MAPKBP1: variants seen among roughly 807,000 people sequenced by gnomAD.
MAPKBP1 encodes mitogen-activated protein kinase-binding protein 1.
MAPKBP1 carries 71 observed loss-of-function variants against 170.5 expected under a neutral mutation model. The ratio of observed to expected loss-of-function variants is 0.42; its 90% confidence interval spans 0.34 to 0.51. The LOEUF is 0.51. MAPKBP1 is among the 20% of genes least tolerant of loss of function. The pLI, the probability that MAPKBP1 is intolerant of heterozygous loss-of-function variation, is 0.06. For synonymous variants in MAPKBP1, 719 were observed against 757.9 expected, an observed-to-expected ratio of 0.95 and a Z score of 0.84; for missense variants, 1,598 against 1,933.0, an observed-to-expected ratio of 0.83 and a Z score of 3.25.
At chr15:41,815,159 G>A (rs2064868371) in intron 10 of MAPKBP1, 100 bp from the exon 11 acceptor site, 4 of 1,440,228 alleles carry the variant, frequency 2.8e-6, no homozygotes, top group Non-Finnish European at 2.9e-6. Context: ...CTAAGTCCTG[G>A]CCACCATTCC....
chr15:41,800,567 T>C (rs1338065883), intron 3 of MAPKBP1, among the ~76,000 whole-genome samples: 1 of 152,176 alleles, frequency 6.6e-6, no homozygotes, highest in East Asian at 1.9e-4. Flanking sequence ...ACTCCTGAGC[T>C]CAAGCCATCC....
At chr15:41,803,241 C>G (rs973263229) in intron 3 of MAPKBP1, among the ~76,000 whole-genome samples, 10 of 151,704 alleles carry the variant, frequency 6.6e-5, no homozygotes, top group Admixed American at 6.6e-5. Flanking sequence ...ATGGTGAAAT[C>G]TTGTCTCTAG....
At chr15:41,813,328 A>G (rs559604962) in intron 8 of MAPKBP1, 1 of 1,528,626 alleles carries the variant, frequency 6.5e-7, no homozygotes, top group South Asian at 1.1e-5. Flanking sequence ...TCTTCCGCTC[A>G]GAACATAGAC....
rs1180590172 is a variant in MAPKBP1 at position 41,786,777 on chromosome 15, A to AATATATATATAT, written c.114+11404_114+11415dup. On this transcript the variant is annotated intron_variant, in intron 2 of 30. Coordinates refer to ENST00000457542, the MANE Select transcript of MAPKBP1 (RefSeq NM_014994.3). ...CAGACTCCGTCTAAAAAAAAAAAAA[A>AATATATATATAT]ATATATATATATATATATATATATA... Among the ~76,000 whole-genome samples, 210 of 31,800 alleles carry AATATATATATAT rather than the reference A, an allele frequency of 6.6e-3. 12 individuals carry two copies. Among genetic ancestry groups the AATATATATATAT allele is most frequent in the East Asian group, 8.8e-3 (11 of 1,256 alleles). The allele number at this position is 31,800 out of a possible 152,430, so 20.9% of individuals were successfully genotyped here. A position where few individuals can be genotyped will look rare whatever the true frequency, so the allele number is the denominator to read the frequency against.
intron 2 of MAPKBP1, among the ~76,000 whole-genome samples, chr15:41,785,034 G>C (rs1267306717): frequency 1.3e-5 from 2 of 152,062 alleles, no homozygotes; most frequent in Non-Finnish European, 2.9e-5. Context: ...GCCATTGTGA[G>C]ATTTAAATGA....
Position 41,823,997 on chromosome 15 carries a change from C to G in MAPKBP1, c.4149C>G (p.Pro1383=), listed in dbSNP as rs1324554666. Residue 1383 remains proline, a synonymous_variant, in exon 29 of 31, where the codon CCC becomes CCG. Coordinates refer to ENST00000457542, the MANE Select transcript of MAPKBP1 (RefSeq NM_014994.3). ...GCCCTGAAAACTTGCAGCCCCCACC[C>G]CCTGAGAAGACTCCCAACCCCATGG... ...FQGPENLQPP[P]PEKTPNPMEC... The G allele has an allele frequency of 6.2e-7, 1 of 1,613,300 alleles. No homozygotes were observed.
At chr15:41,783,395 A>G (rs2064223616) in intron 2 of MAPKBP1, among the ~76,000 whole-genome samples, 1 of 152,186 alleles carries the variant, frequency 6.6e-6, no homozygotes, top group Admixed American at 6.5e-5. Flanking sequence ...GACCTGGATG[A>G]TGACAGTTGG....
At chr15:41,806,072 A>G (rs1483853130) in intron 3 of MAPKBP1, among the ~76,000 whole-genome samples, 1 of 152,218 alleles carries the variant, frequency 6.6e-6, no homozygotes, top group African/African-American at 2.4e-5. Context: ...TTGTTTACAA[A>G]TAATTACTGA....
At position 41,814,707 on chromosome 15, in the gene MAPKBP1, C is replaced by T; in HGVS notation, c.1138C>T (p.Leu380=). The change falls in exon 10 of 31, where the codon CTG becomes TTG. Residue 380 remains leucine (L), a synonymous_variant. Transcript: ENST00000457542. ...GAAAGTGGGCAAGGTGTACTCGGCT[C>T]TGTATCATTCTTCCTGCGTCTGGAG... ...PKKVGKVYSA[L]YHSSCVWSVE... 1 of 1,614,196 alleles carries T rather than the reference C, an allele frequency of 6.2e-7. No individual in the cohort carries two copies. Among genetic ancestry groups the T allele is most frequent in the Non-Finnish European group, 8.5e-7 (1 of 1,180,038 alleles).
At chr15:41,816,701 C>G in intron 13 of MAPKBP1, 51 bp downstream of exon 13, 1 of 1,543,546 alleles carries the variant, frequency 6.5e-7, no homozygotes. Flanking sequence ...CTGCCGGTGC[C>G]ACTTATATCT....
intron 3 of MAPKBP1, among the ~76,000 whole-genome samples, chr15:41,800,663 A>AC (rs1354950104): frequency 2.9e-5 from 4 of 140,286 alleles, no homozygotes; most frequent in African/African-American, 1.1e-4. Flanking sequence ...TTTCATTCCC[A>AC]CCCCCACCTT....
intron 2 of MAPKBP1, among the ~76,000 whole-genome samples, chr15:41,781,055 CTTTTTTTTTGCT>C (rs1368395225): frequency 2.3e-5 from 3 of 133,192 alleles, no homozygotes; most frequent in Admixed American, 8.8e-5. Flanking sequence ...GTTTGCAATG[CTTTTTTTTTGCT>C]TTTTTTTTTT....
In MAPKBP1 at chr15:41,825,271, C is replaced by T. The variant is rs766797198; in HGVS notation, c.4362C>T (p.Thr1454=). ...QSRIAQLLRD[T]FSSVRQELEA... ...GGATTGCCCAGCTCCTCAGAGACAC[C>T]TTCTCTTCAGTGCGACAGGAGCTGG... Residue 1454 remains threonine, a synonymous_variant, in exon 31 of 31, where the codon ACC becomes ACT. Coordinates refer to ENST00000457542, the MANE Select transcript of MAPKBP1 (RefSeq NM_014994.3). 4 of 1,611,230 alleles carry T rather than the reference C, an allele frequency of 2.5e-6. No individual in the cohort carries two copies. The highest frequency in any genetic ancestry group is 2.7e-5 in the African/African-American group (2 of 75,038).
intron 23 of MAPKBP1, 80 bp from the exon 24 acceptor site, chr15:41,821,504 G>A: frequency 7.3e-7 from 1 of 1,370,832 alleles, no homozygotes; most frequent in Non-Finnish European, 1.0e-6. Flanking sequence ...TGGCCCCCAG[G>A]ATACTCAGGG....
chr15:41,793,957 C>T (rs895743760), intron 2 of MAPKBP1, among the ~76,000 whole-genome samples: 8 of 152,128 alleles, frequency 5.3e-5, no homozygotes, highest in Non-Finnish European at 1.0e-4. Context: ...TTTGGCCGGG[C>T]GCGGTGGCTC....
chr15:41,813,525 C>T (rs976138400), intron 8 of MAPKBP1, 96 bp from the exon 9 acceptor site: 129 of 1,525,662 alleles, frequency 8.5e-5, no homozygotes, highest in Non-Finnish European at 1.0e-4. Flanking sequence ...CTGCCTTGGC[C>T]GGTCCCTCCT....
intron 10 of MAPKBP1, 22 bp downstream of exon 10, chr15:41,814,761 C>T: frequency 1.9e-6 from 3 of 1,611,782 alleles, no homozygotes; most frequent in Non-Finnish European, 2.5e-6. Context: ...GGCTGGCTGG[C>T]TGGAGACTGG....
chr15:41,819,455 G>C (rs1884615556), intron 21 of MAPKBP1, 76 bp downstream of exon 21: 3 of 1,599,932 alleles, frequency 1.9e-6, no homozygotes, highest in Non-Finnish European at 2.6e-6. Flanking sequence ...CTGAGACTGT[G>C]GGGTGAGAGC....
chr15:41,820,859 C>T lies in MAPKBP1; in HGVS notation c.2509C>T (p.Pro837Ser). ...RAQESVGFLD[P>S]APAANPGPRR... is the part of the protein sequence containing the mutation. ...ACAGGAGTCCGTGGGGTTCCTGGAC[C>T]CAGCTCCTGCAGCCAACCCAGGACC... The change falls in exon 23 of 31, where the codon CCA becomes TCA. Residue 837 changes from proline to serine, a missense_variant. By Grantham distance (74) the Pro-to-Ser change is moderately conservative. Coordinates refer to ENST00000457542, the MANE Select transcript of MAPKBP1 (RefSeq NM_014994.3). The T allele has an allele frequency of 3.7e-6, 6 of 1,613,972 alleles. No individual in the cohort carries two copies. The highest frequency in any genetic ancestry group is 5.1e-6 in the Non-Finnish European group (6 of 1,179,940).
Sources: gnomAD v4.1 joint callset for allele counts (sites outside exome capture counted in the v4.1 genomes callset) on GRCh38, gnomAD v4.1.1 for gene constraint, MANE v1.5 for transcripts, NCBI Gene and HGNC (gene_info 2026-07-23, HGNC 2026-07-21) for gene names.